The following NLGN4Y variants were observed in gnomAD, a reference collection of about 807,000 sequenced individuals.
NLGN4Y encodes neuroligin-4, Y-linked.
Under a neutral mutation model 8.4 loss-of-function variants are expected in NLGN4Y, and 4 were observed. The observed-to-expected ratio is 0.48, with a 90% CI of 0.23 to 1.09. The LOEUF is 1.09. NLGN4Y is among the 50% of genes least tolerant of loss of function. The pLI, the probability that NLGN4Y is intolerant of heterozygous loss-of-function variation, is 0.19. For missense variants in NLGN4Y, 90 were observed against 192.3 expected, an observed-to-expected ratio of 0.47 and a Z score of 3.15; for synonymous variants, 35 against 75.6, an observed-to-expected ratio of 0.46 and a Z score of 2.78.
chrY:14,541,189 G>A (rs2080148129), intron 1 of NLGN4Y, among the ~76,000 whole-genome samples: 1 of 33,073 alleles, frequency 3.0e-5, no homozygotes, highest in Admixed American at 2.8e-4. Context: ...TTGATCAAGT[G>A]GAAGAAAGGA....
rs772940320 is a variant in NLGN4Y at position 14,530,630 on chromosome Y, G to C, written c.-112+5922G>C. Among the ~76,000 whole-genome samples the C allele has an allele frequency of 6.4e-4, 21 of 33,024 alleles. No homozygotes were observed. The East Asian group carries it at 0.011, about 17-fold the overall frequency. 88.6% of individuals were successfully genotyped at this position (33,024 alleles called of 37,273 possible). ...TGTGGTATTCTTTCATGGAGCAATT[G>C]ACAACTTTTACAGTGATCAAACTGG... On this transcript the variant is annotated intron_variant, in intron 1 of 6. Coordinates refer to ENST00000684976, the MANE Select transcript of NLGN4Y (RefSeq NM_001365588.1).
At chrY:14,805,015 T>C (rs2043051927) in intron 4 of NLGN4Y, among the ~76,000 whole-genome samples, 2 of 33,332 alleles carry the variant, frequency 6.0e-5, no homozygotes, top group African/African-American at 1.2e-4. Context: ...TTGGTGGTAA[T>C]ACAAGATGTG....
intron 2 of NLGN4Y, among the ~76,000 whole-genome samples, chrY:14,685,005 G>T (rs1157243360): frequency 3.0e-5 from 1 of 33,583 alleles, no homozygotes; most frequent in Non-Finnish European, 7.4e-5. Flanking sequence ...GCACAGTGCT[G>T]TTTGCCCTGG....
At chrY:14,688,352 G>A in intron 2 of NLGN4Y, among the ~76,000 whole-genome samples, 1 of 33,185 alleles carries the variant, frequency 3.0e-5, no homozygotes, top group Non-Finnish European at 7.5e-5. Context: ...AGAAGGCAAA[G>A]GGCAAAAGAC....
At chrY:14,717,112 G>C (rs2080917748) in intron 2 of NLGN4Y, among the ~76,000 whole-genome samples, 1 of 33,726 alleles carries the variant, frequency 3.0e-5, no homozygotes, top group African/African-American at 1.2e-4. Flanking sequence ...AACCAGGGGC[G>C]GCCGGGCGCT....
intron 1 of NLGN4Y, among the ~76,000 whole-genome samples, chrY:14,621,118 A>G (rs2080505968): frequency 6.2e-5 from 2 of 32,120 alleles, no homozygotes; most frequent in Admixed American, 5.7e-4. Flanking sequence ...GATTCAGAAC[A>G]GTGAAGTATG....
chrY:14,584,456 C>T, intron 1 of NLGN4Y, among the ~76,000 whole-genome samples: 1 of 33,261 alleles, frequency 3.0e-5, no homozygotes, highest in Non-Finnish European at 7.4e-5. Context: ...CAGGGCAGGT[C>T]TTCCAAGGGA....
intron 2 of NLGN4Y, 138 bp downstream of exon 2, chrY:14,622,729 A>T: frequency 6.0e-6 from 1 of 167,621 alleles, no homozygotes; most frequent in South Asian, 4.9e-5. Flanking sequence ...TTCATATTCC[A>T]AATGCAATTC....
intron 2 of NLGN4Y, among the ~76,000 whole-genome samples, chrY:14,701,195 GCACA>G (rs371313575): frequency 4.3e-3 from 94 of 22,088 alleles, no homozygotes; most frequent in Middle Eastern, 0.02. Context: ...GCATGCACAC[GCACA>G]CACACACACA....
intron 2 of NLGN4Y, among the ~76,000 whole-genome samples, chrY:14,655,220 T>C (rs960392458): frequency 3.0e-5 from 1 of 32,916 alleles, no homozygotes; most frequent in Non-Finnish European, 7.5e-5. Context: ...TTTTGCTTTT[T>C]TCTGTTTTAA....
chrY:14,742,852 A>G, intron 4 of NLGN4Y, among the ~76,000 whole-genome samples: 1 of 32,223 alleles, frequency 3.1e-5, no homozygotes, highest in Non-Finnish European at 7.5e-5. Flanking sequence ...TAACTCATAT[A>G]TGTGCCTATC....
chrY:14,757,026 A>G (rs2081063050), intron 4 of NLGN4Y, among the ~76,000 whole-genome samples: 1 of 26,956 alleles, frequency 3.7e-5, no homozygotes, highest in African/African-American at 1.5e-4. Flanking sequence ...TTCCTTGATC[A>G]CCTTGAAATC....
intron 4 of NLGN4Y, among the ~76,000 whole-genome samples, chrY:14,798,018 C>A (rs2043018586): frequency 3.0e-5 from 1 of 32,835 alleles, no homozygotes. Context: ...TGTTTGAGTC[C>A]CTTTTTGATC....
At chrY:14,691,156 C>T in intron 2 of NLGN4Y, among the ~76,000 whole-genome samples, 4 of 33,067 alleles carry the variant, frequency 1.2e-4, no homozygotes, top group South Asian at 6.7e-4. Context: ...CAAACAAAAT[C>T]AAATCACATT....
At chrY:14,786,045 G>A in intron 4 of NLGN4Y, among the ~76,000 whole-genome samples, 1 of 33,950 alleles carries the variant, frequency 2.9e-5, no homozygotes, top group South Asian at 6.5e-4. Context: ...GGAGGTATTT[G>A]TCAAGGTCTG....
At chrY:14,549,484 G>T in intron 1 of NLGN4Y, among the ~76,000 whole-genome samples, 1 of 32,970 alleles carries the variant, frequency 3.0e-5, no homozygotes, top group Non-Finnish European at 7.4e-5. Flanking sequence ...TCCTCTGGAT[G>T]GTATACTTCA....
chrY:14,761,657 C>T, intron 4 of NLGN4Y, among the ~76,000 whole-genome samples: 2 of 33,760 alleles, frequency 5.9e-5, no homozygotes, highest in African/African-American at 2.3e-4. Context: ...CCATGCTGAT[C>T]TTTCAGTTTT....
intron 1 of NLGN4Y, among the ~76,000 whole-genome samples, chrY:14,533,902 C>T: frequency 3.0e-5 from 1 of 32,989 alleles, no homozygotes; most frequent in Non-Finnish European, 7.4e-5. Flanking sequence ...AGCTTCATCA[C>T]GTTCATGGAA....
chrY:14,779,205 G>T, intron 4 of NLGN4Y, among the ~76,000 whole-genome samples: 1 of 32,937 alleles, frequency 3.0e-5, no homozygotes, highest in African/African-American at 1.2e-4. Flanking sequence ...GTGAAACTCT[G>T]CCCAGCTGAT....
Sources: gnomAD v4.1 joint callset for allele counts (sites outside exome capture counted in the v4.1 genomes callset) on GRCh38, gnomAD v4.1.1 for gene constraint, MANE v1.5 for transcripts, NCBI Gene and HGNC (gene_info 2026-07-23, HGNC 2026-07-21) for gene names.